CAPZB: variants seen among roughly 807,000 people sequenced by gnomAD.
CAPZB encodes F-actin-capping protein subunit beta.
In CAPZB, 2 loss-of-function variants were observed where a neutral mutation model predicts 38.1. The observed-to-expected ratio is 0.05, with a 90% CI of 0.02 to 0.17. The LOEUF (loss-of-function observed/expected upper bound fraction) is 0.17. Among genes scored for constraint, CAPZB ranks in the 10% least tolerant of loss-of-function variants. CAPZB has a pLI of 1.00. For synonymous variants in CAPZB, 107 were observed against 127.4 expected (o/e 0.84, Z 1.08); for missense variants, 161 against 334.2 (o/e 0.48, Z 4.04).
At chr1:19,450,144 C>CAA (rs71008167) in intron 1 of CAPZB, among the ~76,000 whole-genome samples, 1,820 of 35,246 alleles carry the variant, frequency 0.052, 89 homozygotes, top group Non-Finnish European at 0.092. Context: ...ACCCTGTCTC[C>CAA]AAAAAAAAAA....
intron 1 of CAPZB, among the ~76,000 whole-genome samples, chr1:19,421,681 C>A (rs191687148): frequency 6.6e-6 from 1 of 152,244 alleles, no homozygotes; most frequent in African/African-American, 2.4e-5. Context: ...TAAGCTGATT[C>A]GACTCTAGAG....
At chr1:19,448,887 A>C in intron 1 of CAPZB, 1 of 1,612,882 alleles carries the variant, frequency 6.2e-7, no homozygotes, top group Non-Finnish European at 8.5e-7. Flanking sequence ...GGGCGAGAGA[A>C]CCCTGTATCC....
chr1:19,364,851 T>TC (rs1243807757), intron 4 of CAPZB, among the ~76,000 whole-genome samples: 1 of 152,100 alleles, frequency 6.6e-6, no homozygotes. Context: ...CTTTTTTTTT[T>TC]TCTCTCTTTT....
rs75417214 is a variant in CAPZB, at chr1:19,388,574, C to G, written c.94-2948G>C. Among the ~76,000 whole-genome samples, 1,496 of 152,322 alleles carry G rather than the reference C, an allele frequency of 9.8e-3. 66 individuals carry two copies. In the East Asian group the frequency reaches 0.13, roughly 14 times the overall value. On this transcript the variant is annotated intron_variant, in intron 2 of 8. Coordinates refer to ENST00000264202, the MANE Select transcript of CAPZB (RefSeq NM_004930.5). ...TCCTGTGTGGTTCCAACCCAGCACT[C>G]TCAGATATGAACCATGGTATGGTGG...
At chr1:19,344,799 C>T (rs918513578) in intron 7 of CAPZB, among the ~76,000 whole-genome samples, 2 of 152,242 alleles carry the variant, frequency 1.3e-5, no homozygotes, top group African/African-American at 4.8e-5. Context: ...AACGTGGTGA[C>T]AGGAGGGCCA....
intron 4 of CAPZB, among the ~76,000 whole-genome samples, chr1:19,364,852 T>TC (rs370409936): frequency 8.6e-5 from 13 of 151,670 alleles, no homozygotes; most frequent in African/African-American, 3.2e-4. Context: ...TTTTTTTTTT[T>TC]CTCTCTTTTT....
chr1:19,380,164 C>A (rs1251122215), intron 3 of CAPZB, among the ~76,000 whole-genome samples: 1 of 152,190 alleles, frequency 6.6e-6, no homozygotes, highest in African/African-American at 2.4e-5. Context: ...TTCCACCAGC[C>A]ACCCGCAGGC....
intron 1 of CAPZB, among the ~76,000 whole-genome samples, chr1:19,421,407 G>T (rs573039540): frequency 6.6e-6 from 1 of 152,146 alleles, no homozygotes; most frequent in Non-Finnish European, 1.5e-5. Flanking sequence ...TGAAAGAAAA[G>T]AAAAAGCCTG....
intron 2 of CAPZB, among the ~76,000 whole-genome samples, chr1:19,390,685 C>T (rs778981103): frequency 1.1e-4 from 16 of 152,150 alleles, no homozygotes; most frequent in Admixed American, 2.0e-4. Context: ...ACTGGAAAGA[C>T]GGGTGGGGAG....
chr1:19,376,814 G>A lies in CAPZB; in HGVS notation c.329+1726C>T, dbSNP rs376994221. Among the ~76,000 whole-genome samples, 51 of 152,348 alleles carry A rather than the reference G, an allele frequency of 3.3e-4. No homozygotes were observed. In the East Asian group the frequency reaches 8.5e-3, roughly 25 times the overall value. On this transcript the variant is annotated intron_variant, in intron 4 of 8. Transcript: ENST00000264202. ...CCCGGCTCATGGGAGGCACTCAAAT[G>A]TCTGCTGAGTAAATAAATCGATGTT...
intron 1 of CAPZB, chr1:19,484,353 G>A (rs764770026): frequency 3.2e-6 from 5 of 1,556,394 alleles, no homozygotes; most frequent in African/African-American, 1.4e-5. Context: ...GCGATTGTGC[G>A]TTCATCCTTG....
intron 1 of CAPZB, among the ~76,000 whole-genome samples, chr1:19,436,803 GA>G (rs1275621275): frequency 2.0e-5 from 3 of 152,356 alleles, no homozygotes; most frequent in Middle Eastern, 6.8e-3. Flanking sequence ...TAAGTCAACA[GA>G]AAAGAGGAAG....
intron 1 of CAPZB, among the ~76,000 whole-genome samples, chr1:19,436,249 A>T (rs1570263527): frequency 6.6e-6 from 1 of 152,274 alleles, no homozygotes; most frequent in Middle Eastern, 3.4e-3. Context: ...CCTGCCTGGG[A>T]CATGAATCAT....
In CAPZB at chr1:19,366,921, C is replaced by A. The variant is rs115376103; in HGVS notation, c.330-9358G>T. Among the ~76,000 whole-genome samples the A allele has an allele frequency of 8.1e-3, 1,227 of 152,336 alleles. 17 individuals are homozygous for A. Among genetic ancestry groups the A allele is most frequent in the African/African-American group, 0.027 (1,114 of 41,574 alleles). On this transcript the variant is annotated intron_variant, in intron 4 of 8. Coordinates refer to ENST00000264202, the MANE Select transcript of CAPZB (RefSeq NM_004930.5). Reference sequence around the variant, plus strand: ...CTTAACATCCTTACAACAAAACAGGCACCTGGTCTTCACAGGTGGGAACAA... The same window carrying A: ...CTTAACATCCTTACAACAAAACAGGAACCTGGTCTTCACAGGTGGGAACAA...
intron 1 of CAPZB, among the ~76,000 whole-genome samples, chr1:19,429,331 C>G: frequency 6.6e-6 from 1 of 151,832 alleles, no homozygotes; most frequent in Non-Finnish European, 1.5e-5. Context: ...AGGTTGATAA[C>G]TTGGGGTCCA....
At chr1:19,449,223 C>A in intron 1 of CAPZB, 3 of 1,132,466 alleles carry the variant, frequency 2.6e-6, no homozygotes, top group Non-Finnish European at 3.3e-6. Flanking sequence ...AAAGCCGGAA[C>A]CAGGACAACA....
chr1:19,478,614 G>A (rs1051663033), intron 1 of CAPZB, among the ~76,000 whole-genome samples: 17 of 152,336 alleles, frequency 1.1e-4, no homozygotes, highest in Admixed American at 2.0e-4. Flanking sequence ...CCTGTCTGAC[G>A]CTGTGGACTT....
intron 6 of CAPZB, among the ~76,000 whole-genome samples, chr1:19,351,188 G>C (rs889534832): frequency 6.6e-6 from 1 of 151,328 alleles, no homozygotes; most frequent in African/African-American, 2.4e-5. Flanking sequence ...TCACCGTGTT[G>C]GTCAGGCTGA....
intron 1 of CAPZB, among the ~76,000 whole-genome samples, chr1:19,426,211 T>C (rs2094421979): frequency 6.6e-6 from 1 of 152,214 alleles, no homozygotes; most frequent in South Asian, 2.1e-4. Context: ...CCCCGCAGTT[T>C]TTTGCTCCTG....
Sources: gnomAD v4.1 joint callset for allele counts (sites outside exome capture counted in the v4.1 genomes callset) on GRCh38, gnomAD v4.1.1 for gene constraint, MANE v1.5 for transcripts, NCBI Gene and HGNC (gene_info 2026-07-23, HGNC 2026-07-21) for gene names.